Variants in MILR1 observed in about 807,000 individuals in gnomAD.
MILR1 encodes the protein allergin-1.
In MILR1, 31 loss-of-function variants were observed where a neutral mutation model predicts 18.5. The observed-to-expected ratio is 1.68, with a 90% CI of 1.26 to 2.26. The LOEUF is 2.26. MILR1 is among the 30% of genes most tolerant of loss of function. The probability of loss-of-function intolerance (pLI) is 0.00; values close to 1 mark genes in which losing one functional copy is unlikely to be tolerated. For missense variants in MILR1, 257 were observed against 157.4 expected, an observed-to-expected ratio of 1.63 and a Z score of -3.38; for synonymous variants, 85 against 56.2, an observed-to-expected ratio of 1.51 and a Z score of -2.30.
the MILR1 span, among the ~76,000 whole-genome samples, chr17:64,483,255 T>C: frequency 6.6e-6 from 1 of 152,202 alleles, no homozygotes; most frequent in Non-Finnish European, 1.5e-5. Context: ...GGTACATGCC[T>C]ATAATTCCAG....
chr17:64,488,944 CAAAAAATA>C, the MILR1 span, among the ~76,000 whole-genome samples: 1 of 150,092 alleles, frequency 6.7e-6, no homozygotes, highest in East Asian at 1.9e-4. Flanking sequence ...GATGCTGTCT[CAAAAAATA>C]AAAAAATAAA....
At chr17:64,466,071 A>G (rs569182512) in intron 6 of MILR1, among the ~76,000 whole-genome samples, 1 of 152,310 alleles carries the variant, frequency 6.6e-6, no homozygotes, top group Admixed American at 6.5e-5. Context: ...TCATGGTGGA[A>G]GGGGAAGCAA....
intron 2 of MILR1, among the ~76,000 whole-genome samples, chr17:64,449,934 C>T: frequency 1.0e-5 from 1 of 97,316 alleles, no homozygotes; most frequent in Middle Eastern, 6.6e-3. Context: ...TTCTTTCTTT[C>T]TTTCTTTCTT....
At chr17:64,493,119 G>A in the MILR1 span, 53 of 1,306,452 alleles carry the variant, frequency 4.1e-5, no homozygotes, top group East Asian at 1.2e-3. Flanking sequence ...CGTTAACACA[G>A]CATAAAGACA....
the MILR1 span, among the ~76,000 whole-genome samples, chr17:64,481,936 CAT>C: frequency 2.7e-3 from 400 of 148,064 alleles, 1 homozygote; most frequent in African/African-American, 9.8e-3. Context: ...CATTCACTAA[CAT>C]GTGTACAAAT....
At chr17:64,466,793 C>G (rs2037573359) in intron 8 of MILR1, 131 bp downstream of exon 8, 2 of 697,902 alleles carry the variant, frequency 2.9e-6, no homozygotes, top group Admixed American at 5.4e-5. Context: ...CTGCAAGGAA[C>G]CAATGGCAAC....
intron 8 of MILR1, among the ~76,000 whole-genome samples, chr17:64,467,212 C>A (rs913576511): frequency 1.6e-4 from 25 of 151,708 alleles, no homozygotes; most frequent in Admixed American, 1.5e-3. Flanking sequence ...CTGAAGCAGT[C>A]GTCCCACCTT....
At chr17:64,490,961 C>G in the MILR1 span, 6 of 1,613,040 alleles carry the variant, frequency 3.7e-6, no homozygotes, top group East Asian at 6.7e-5. Flanking sequence ...TAGATGGACT[C>G]ATGGCAAACT....
chr17:64,472,235 G>A (rs2037696953), downstream of MILR1, among the ~76,000 whole-genome samples: 1 of 151,760 alleles, frequency 6.6e-6, no homozygotes, highest in Non-Finnish European at 1.5e-5. Flanking sequence ...AATCCCATGG[G>A]GCAGGTGGAT....
chr17:64,449,942 C>CTT (rs1408591907), intron 2 of MILR1, among the ~76,000 whole-genome samples: 10 of 94,348 alleles, frequency 1.1e-4, no homozygotes, highest in African/African-American at 5.0e-4. Context: ...TTCTTTCTTT[C>CTT]TTTCTTTTTT....
intron 5 of MILR1, among the ~76,000 whole-genome samples, chr17:64,463,531 G>A (rs1339140076): frequency 6.6e-6 from 1 of 152,162 alleles, no homozygotes; most frequent in African/African-American, 2.4e-5. Context: ...GGGCCATGGA[G>A]ATATTGTCAG....
rs781908856 is a variant in MILR1 at position 64,466,680 on chromosome 17, AT to A, written c.979+19del. On this transcript the variant is annotated intron_variant, in intron 8 of 9. Coordinates refer to ENST00000619286, the MANE Select transcript of MILR1 (RefSeq NM_001085423.2). ...AGAGCAAGGTGAGCCACAGGTTGGG[AT>A]AAGAGGTACTGGTGAAATGAGACAG... 6.3e-7 allele frequency: 1 copy of A among 1,591,846 alleles called. No individual in the cohort carries two copies. The highest frequency in any genetic ancestry group is 1.1e-5 in the South Asian group (1 of 88,026).
At chr17:64,463,226 T>G (rs2037471203) in intron 5 of MILR1, among the ~76,000 whole-genome samples, 1 of 152,074 alleles carries the variant, frequency 6.6e-6, no homozygotes, top group Non-Finnish European at 1.5e-5. Flanking sequence ...TAGGCTGGTC[T>G]TGAACTCCTG....
chr17:64,471,348 T>C (rs1308636684), downstream of MILR1, among the ~76,000 whole-genome samples: 5 of 152,002 alleles, frequency 3.3e-5, no homozygotes, highest in African/African-American at 1.2e-4. Context: ...GTGAGAGGCA[T>C]TTATCCACTG....
At position 64,463,036 on chromosome 17, in the gene MILR1, A is replaced by T. The variant is rs1041391813; in HGVS notation, c.763+2104A>T. Among the ~76,000 whole-genome samples, 42 of 152,022 alleles carry T rather than the reference A, an allele frequency of 2.8e-4. 1 individual carries two copies. Among genetic ancestry groups the T allele is most frequent in the Non-Finnish European group, 4.4e-4 (30 of 68,012 alleles). On this transcript the variant is annotated intron_variant, in intron 5 of 9. Transcript: ENST00000619286. ...AATCTATTCTACTATAAGATTTTTT[A>T]AAAAACTTTATTAAACACACCAGAC... is the stretch of plus-strand genomic sequence containing the variant.
At chr17:64,476,617 C>T in the MILR1 span, among the ~76,000 whole-genome samples, 1 of 151,968 alleles carries the variant, frequency 6.6e-6, no homozygotes, top group South Asian at 2.1e-4. Context: ...GTTGTTGGTG[C>T]TAGATGATCA....
chr17:64,482,851 T>C, the MILR1 span: 1 of 919,350 alleles, frequency 1.1e-6, no homozygotes, highest in South Asian at 1.3e-5. Flanking sequence ...AAAATGGTCC[T>C]GGTCCAAAGC....
intron 2 of MILR1, among the ~76,000 whole-genome samples, chr17:64,451,332 G>A (rs2037166751): frequency 6.6e-6 from 1 of 151,788 alleles, no homozygotes; most frequent in Admixed American, 6.6e-5. Flanking sequence ...AGTAGAGACA[G>A]GGTTTCACCA....
At chr17:64,451,454 C>A (rs1012721520) in intron 2 of MILR1, among the ~76,000 whole-genome samples, 7,950 of 151,906 alleles carry the variant, frequency 0.052, 741 homozygotes, top group African/African-American at 0.18. Flanking sequence ...CATTTTTAAA[C>A]TTTGTACCAA....
Sources: gnomAD v4.1 joint callset for allele counts (sites outside exome capture counted in the v4.1 genomes callset) on GRCh38, gnomAD v4.1.1 for gene constraint, MANE v1.5 for transcripts, NCBI Gene and HGNC (gene_info 2026-07-23, HGNC 2026-07-21) for gene names.